Variants in SPDYA observed in about 807,000 individuals in gnomAD.
The protein encoded by SPDYA is speedy protein A.
Under a neutral mutation model 36.7 loss-of-function variants are expected in SPDYA, and 11 were observed. The observed-to-expected ratio is 0.30, with a 90% confidence interval of 0.19 to 0.50. The LOEUF (loss-of-function observed/expected upper bound fraction) is 0.50. SPDYA is among the 20% of genes least tolerant of loss of function. The pLI is 0.98. For synonymous variants in SPDYA, 115 were observed against 118.7 expected, an observed-to-expected ratio of 0.97 and a Z score of 0.20; for missense variants, 287 against 370.9, an observed-to-expected ratio of 0.77 and a Z score of 1.86.
chr2:28,847,799 G>T, intron 7 of SPDYA, among the ~76,000 whole-genome samples: 1 of 151,430 alleles, frequency 6.6e-6, no homozygotes, highest in Non-Finnish European at 1.5e-5. Flanking sequence ...TGGAAGGAAA[G>T]ATTATAATGG....
At chr2:28,812,857 C>CAA (rs70956047) in intron 1 of SPDYA, among the ~76,000 whole-genome samples, 37,595 of 83,514 alleles carry the variant, frequency 0.45, 7,541 homozygotes, top group Middle Eastern at 0.55. Context: ...AACTCCGTCT[C>CAA]AAAAAAAAAA....
chr2:28,838,828 T>C (rs1164880882), intron 6 of SPDYA, among the ~76,000 whole-genome samples: 1 of 152,094 alleles, frequency 6.6e-6, no homozygotes, highest in African/African-American at 2.4e-5. Context: ...AAAAATTAGC[T>C]GGGCATGGTG....
At chr2:28,843,136 AT>A (rs1210960984) in intron 7 of SPDYA, among the ~76,000 whole-genome samples, 1 of 152,122 alleles carries the variant, frequency 6.6e-6, no homozygotes, top group Non-Finnish European at 1.5e-5. Flanking sequence ...CTACCTTAAA[AT>A]TTTTTTTGTT....
chr2:28,813,447 C>T (rs1448160733), intron 1 of SPDYA, among the ~76,000 whole-genome samples: 1 of 152,100 alleles, frequency 6.6e-6, no homozygotes, highest in Admixed American at 6.6e-5. Context: ...AAGTCTAGCC[C>T]CAACACTCAA....
chr2:28,832,437 A>ATT (rs1402010577), intron 6 of SPDYA, among the ~76,000 whole-genome samples: 1 of 152,172 alleles, frequency 6.6e-6, no homozygotes, highest in Non-Finnish European at 1.5e-5. Flanking sequence ...TTCTATTGGT[A>ATT]TTAACTTATT....
chr2:28,812,002 A>G (rs764272022), intron 1 of SPDYA, among the ~76,000 whole-genome samples: 6 of 152,242 alleles, frequency 3.9e-5, no homozygotes, highest in Non-Finnish European at 8.8e-5. Context: ...TGTTTTACAC[A>G]TGATTTTATT....
intron 3 of SPDYA, among the ~76,000 whole-genome samples, chr2:28,817,821 C>T (rs1250072804): frequency 7.1e-6 from 1 of 141,260 alleles, no homozygotes; most frequent in African/African-American, 2.7e-5. Flanking sequence ...CACTGCACTC[C>T]AGCCTGGGTG....
chr2:28,815,396 C>G (rs1325001821), intron 2 of SPDYA, among the ~76,000 whole-genome samples: 3 of 151,750 alleles, frequency 2.0e-5, no homozygotes, highest in African/African-American at 7.3e-5. Flanking sequence ...GCCTTCAAAG[C>G]ACATCTACAT....
intron 7 of SPDYA, among the ~76,000 whole-genome samples, chr2:28,845,685 C>T (rs1234432859): frequency 6.6e-6 from 1 of 152,090 alleles, no homozygotes; most frequent in East Asian, 1.9e-4. Flanking sequence ...GCTGGGATTA[C>T]AGGCATGCTC....
At chr2:28,823,440 T>G (rs898442064) in intron 5 of SPDYA, among the ~76,000 whole-genome samples, 2 of 151,520 alleles carry the variant, frequency 1.3e-5, no homozygotes, top group Non-Finnish European at 2.9e-5. Context: ...CTGGCCAACA[T>G]GGTTGAAAGC....
chr2:28,818,743 GA>G (rs1343780619), intron 3 of SPDYA, among the ~76,000 whole-genome samples: 1 of 152,126 alleles, frequency 6.6e-6, no homozygotes, highest in Non-Finnish European at 1.5e-5. Flanking sequence ...AAATAGGAGA[GA>G]AGAATGCAAA....
chr2:28,826,182 G>A (rs1468691930), intron 5 of SPDYA, among the ~76,000 whole-genome samples: 1 of 152,062 alleles, frequency 6.6e-6, no homozygotes, highest in African/African-American at 2.4e-5. Flanking sequence ...TGTCACCCAG[G>A]CTGGAGTGCA....
intron 7 of SPDYA, chr2:28,841,869 AAAAAATTGTCTTTT>A (rs1331548481): frequency 6.6e-6 from 1 of 152,184 alleles, no homozygotes; most frequent in Non-Finnish European, 1.5e-5. Flanking sequence ...CCATCTATTT[AAAAAATTGTCTTTT>A]AGCATCCCTC....
Position 28,822,326 on chromosome 2 carries a change from A to T in SPDYA, c.296A>T (p.Tyr99Phe). 3 of 1,497,628 alleles carry T rather than the reference A, an allele frequency of 2.0e-6. No homozygotes were observed. Among genetic ancestry groups the T allele is most frequent in the Non-Finnish European group, 2.7e-6 (3 of 1,106,224 alleles). 92.8% of individuals were successfully genotyped at this position (1,497,628 alleles called of 1,614,324 possible). The change falls in exon 5 of 8, where the codon TAT becomes TTT. Residue 99 changes from tyrosine to phenylalanine, a missense_variant and splice_region_variant. Coordinates refer to ENST00000334056, the MANE Select transcript of SPDYA (RefSeq NM_182756.4). ...AATTTTTAACTTTTTTCCTTATAGT[A>T]TCTTTTGGCTATGACCTTTGTTTAT... ...MDCCCKIADK[Y>F]LLAMTFVYFK...
chr2:28,838,003 A>AGAT (rs1668651977), intron 6 of SPDYA, among the ~76,000 whole-genome samples: 2 of 151,964 alleles, frequency 1.3e-5, no homozygotes, highest in African/African-American at 4.8e-5. Context: ...CAAAAGAATA[A>AGAT]GATAAAGTAA....
At chr2:28,828,657 A>T (rs1243351346) in intron 5 of SPDYA, among the ~76,000 whole-genome samples, 2 of 152,246 alleles carry the variant, frequency 1.3e-5, no homozygotes, top group Admixed American at 6.5e-5. Context: ...TCATATGTGT[A>T]TAAGAAAATT....
intron 4 of SPDYA, 135 bp downstream of exon 4, chr2:28,819,241 G>A: frequency 1.7e-6 from 1 of 601,764 alleles, no homozygotes; most frequent in Non-Finnish European, 2.7e-6. Flanking sequence ...AGGTGCAGTG[G>A]CTCACACCTG....
intron 6 of SPDYA, among the ~76,000 whole-genome samples, chr2:28,830,454 C>T (rs1668454863): frequency 1.3e-5 from 2 of 152,062 alleles, no homozygotes; most frequent in Admixed American, 1.3e-4. Flanking sequence ...CCGCCCGCCT[C>T]GGCCTCCCAA....
intron 5 of SPDYA, among the ~76,000 whole-genome samples, chr2:28,826,642 A>T (rs1286199527): frequency 2.0e-4 from 16 of 81,036 alleles, no homozygotes; most frequent in African/African-American, 7.3e-4. Flanking sequence ...TTTTTGAGAC[A>T]GTCTAACTGT....
Sources: allele counts gnomAD v4.1 joint callset (sites outside exome capture counted in the v4.1 genomes callset), GRCh38; gene constraint gnomAD v4.1.1; transcripts MANE v1.5; gene names NCBI Gene and HGNC (gene_info 2026-07-23, HGNC 2026-07-21).